The following ARAP2 variants were observed in gnomAD, a reference collection of about 807,000 sequenced individuals.
ARAP2 encodes the protein ArfGAP with RhoGAP domain, ankyrin repeat and PH domain 2, also known as arf-GAP with Rho-GAP domain, ANK repeat and PH domain-containing protein 2.
In ARAP2, 148 loss-of-function variants were observed where a neutral mutation model predicts 194.5. The observed-to-expected ratio is 0.76, with a 90% confidence interval of 0.67 to 0.87. The LOEUF (loss-of-function observed/expected upper bound fraction) is 0.87, where lower values mean the gene tolerates loss of function less well. Among genes scored for constraint, ARAP2 ranks in the 40% least tolerant of loss-of-function variants. The pLI, the probability that ARAP2 is intolerant of heterozygous loss-of-function variation, is 0.00. For missense variants in ARAP2, 2,128 were observed against 1,989.7 expected (o/e 1.07, Z -1.32); for synonymous variants, 695 against 683.5 (o/e 1.02, Z -0.26).
chr4:36,209,246 C>T (rs529523608), intron 6 of ARAP2: 121 of 322,140 alleles, frequency 3.8e-4, no homozygotes, highest in Non-Finnish European at 6.7e-4. Flanking sequence ...AGTGTTTAGA[C>T]CTGAGCACTG....
At chr4:36,210,276 G>C in intron 6 of ARAP2, 114 bp downstream of exon 6, 1 of 921,896 alleles carries the variant, frequency 1.1e-6, no homozygotes, top group Non-Finnish European at 1.6e-6. Context: ...GCATCTCTGT[G>C]TATGTGTGTG....
Position 36,121,239 on chromosome 4 carries a change from T to TGG in ARAP2, c.3833_3834insCC (p.Gln1278HisfsTer7). 2 of 1,608,020 alleles carry TGG rather than the reference T, an allele frequency of 1.2e-6. No individual in the cohort carries two copies. The highest frequency in any genetic ancestry group is 8.5e-7 in the Non-Finnish European group (1 of 1,176,434). On this transcript the variant is annotated frameshift_variant, in exon 23 of 33. Coordinates refer to ENST00000303965, the MANE Select transcript of ARAP2 (RefSeq NM_015230.4). LOFTEE classifies it high-confidence loss of function. ...CAATTACATTCACTTCTTCACTAGT[T>TGG]TGTCCCTTCGTTTGAAACAAACAGG...
chr4:36,042,269 C>T (rs910415689), intron 5 of ARAP2, among the ~76,000 whole-genome samples: 2 of 152,084 alleles, frequency 1.3e-5, no homozygotes, highest in African/African-American at 4.8e-5. Flanking sequence ...ATTTCACATG[C>T]ACATTAATTA....
At chr4:36,221,357 A>G (rs1280691194) in intron 2 of ARAP2, among the ~76,000 whole-genome samples, 2 of 152,108 alleles carry the variant, frequency 1.3e-5, no homozygotes, top group Non-Finnish European at 2.9e-5. Context: ...AAAAAAAATG[A>G]GAAATAAGAT....
At chr4:36,074,355 C>T (rs1727745951) in intron 31 of ARAP2, among the ~76,000 whole-genome samples, 1 of 152,062 alleles carries the variant, frequency 6.6e-6, no homozygotes, top group Non-Finnish European at 1.5e-5. Context: ...ATTTCAACAT[C>T]TTTACTGAAA....
chr4:36,219,420 T>C (rs559540900), intron 2 of ARAP2, among the ~76,000 whole-genome samples: 1 of 152,306 alleles, frequency 6.6e-6, no homozygotes, highest in Admixed American at 6.5e-5. Context: ...AAAGAGGACC[T>C]GCTGTGTGAC....
chr4:36,077,340 T>C (rs1178377218), intron 31 of ARAP2, among the ~76,000 whole-genome samples: 5 of 152,036 alleles, frequency 3.3e-5, no homozygotes, highest in East Asian at 1.9e-4. Context: ...AACTGGACTA[T>C]AAAACTGCGC....
chr4:36,181,871 A>G (rs974561673), intron 8 of ARAP2, among the ~76,000 whole-genome samples: 13 of 152,192 alleles, frequency 8.5e-5, no homozygotes, highest in African/African-American at 2.9e-4. Flanking sequence ...TAAACACAAG[A>G]TGGGGGGCCC....
At chr4:36,045,657 A>G (rs1181797323) in intron 5 of ARAP2, among the ~76,000 whole-genome samples, 1 of 152,142 alleles carries the variant, frequency 6.6e-6, no homozygotes. Flanking sequence ...GGTCATAATA[A>G]TGTATTGTAT....
At chr4:36,187,330 A>G (rs890339273) in intron 8 of ARAP2, 121 bp downstream of exon 8, 5 of 524,904 alleles carry the variant, frequency 9.5e-6, no homozygotes, top group Non-Finnish European at 1.5e-5. Context: ...ATTAATTTTA[A>G]AATGTAAATT....
At chr4:36,235,291 G>A (rs1752225815) in intron 1 of ARAP2, among the ~76,000 whole-genome samples, 2 of 152,256 alleles carry the variant, frequency 1.3e-5, no homozygotes, top group African/African-American at 4.8e-5. Flanking sequence ...CACTCCCTAT[G>A]ACTTCCAAAC....
chr4:36,116,550 G>C (rs763344714), intron 25 of ARAP2, among the ~76,000 whole-genome samples: 2 of 151,820 alleles, frequency 1.3e-5, no homozygotes, highest in Non-Finnish European at 2.9e-5. Context: ...AAATCAATTG[G>C]AAGACTGGAT....
chr4:36,122,271 A>G (rs1722846773), intron 22 of ARAP2, among the ~76,000 whole-genome samples: 1 of 151,880 alleles, frequency 6.6e-6, no homozygotes, highest in Admixed American at 6.6e-5. Context: ...TACTAGGTAT[A>G]TACCCAAAGG....
chr4:36,160,536 A>C lies in ARAP2; in HGVS notation c.2365T>G (p.Phe789Val). The C allele has an allele frequency of 6.4e-7, 1 of 1,573,494 alleles. No homozygotes were observed. Among genetic ancestry groups the C allele is most frequent in the Non-Finnish European group, 8.6e-7 (1 of 1,165,364 alleles). Reference protein sequence around the residue: ...MDSPVEKRKNFITQKYKEGKF... With the variant: ...MDSPVEKRKNVITQKYKEGKF... ...CCTTCTTTATATTTCTGAGTAATAA[A>C]GTTTTTTCTCTTTTCTACTGGTGAG... is the stretch of plus-strand genomic sequence containing the variant. The change falls in exon 13 of 33, where the codon TTT (phenylalanine) becomes GTT (valine). Residue 789 changes from phenylalanine to valine, a missense_variant. By Grantham distance (50) the Phe-to-Val change is conservative. Coordinates refer to ENST00000303965, the MANE Select transcript of ARAP2 (RefSeq NM_015230.4).
intron 19 of ARAP2, among the ~76,000 whole-genome samples, chr4:36,136,783 ATG>A (rs772565955): frequency 0.017 from 2,441 of 143,690 alleles, 21 homozygotes; most frequent in South Asian, 0.027. Context: ...AATCAAATAT[ATG>A]TGTGTGTGTG....
At chr4:36,241,713 A>G (rs1753544418) in intron 1 of ARAP2, among the ~76,000 whole-genome samples, 1 of 151,832 alleles carries the variant, frequency 6.6e-6, no homozygotes, top group Non-Finnish European at 1.5e-5. Context: ...GATATATTCC[A>G]AAAAAAACAC....
chr4:36,029,477 C>T (rs1577588350), intron 5 of ARAP2, among the ~76,000 whole-genome samples: 1 of 151,910 alleles, frequency 6.6e-6, no homozygotes, highest in South Asian at 2.1e-4. Context: ...TGTCCACCCC[C>T]GTGGTTTCAG....
chr4:36,096,374 A>AAAAAAAAAAAAAAAAAAAAG (rs796310005), intron 27 of ARAP2, among the ~76,000 whole-genome samples: 36 of 142,064 alleles, frequency 2.5e-4, no homozygotes, highest in African/African-American at 1.0e-3. Flanking sequence ...AAAAAAAAAA[A>AAAAAAAAAAAAAAAAAAAAG]AAAAAAGAAA....
chr4:36,233,287 C>T (rs1388641204), intron 1 of ARAP2, among the ~76,000 whole-genome samples: 2 of 152,190 alleles, frequency 1.3e-5, no homozygotes, highest in Non-Finnish European at 2.9e-5. Context: ...CATGTTTTGA[C>T]CTCCAATTGC....
Sources: allele counts gnomAD v4.1 joint callset (sites outside exome capture counted in the v4.1 genomes callset), GRCh38; gene constraint gnomAD v4.1.1; transcripts MANE v1.5; gene names NCBI Gene and HGNC (gene_info 2026-07-23, HGNC 2026-07-21).